Variants in GRK6 observed in about 807,000 individuals in gnomAD.
The protein encoded by GRK6 is G protein-coupled receptor kinase 6.
A neutral mutation model predicts 80.8 loss-of-function variants in GRK6; 37 were observed. The ratio of observed to expected loss-of-function variants is 0.46; its 90% confidence interval spans 0.35 to 0.60. The LOEUF (loss-of-function observed/expected upper bound fraction) is 0.60, where lower values mean the gene tolerates loss of function less well. GRK6 is among the 20% of genes least tolerant of loss of function. The pLI is 0.00. For missense variants in GRK6, 560 were observed against 784.6 expected (o/e 0.71, Z 3.42); for synonymous variants, 295 against 320.9 (o/e 0.92, Z 0.86).
intron 1 of GRK6, among the ~76,000 whole-genome samples, chr5:177,430,517 T>C (rs1321707309): frequency 6.6e-6 from 1 of 152,250 alleles, no homozygotes; most frequent in East Asian, 1.9e-4. Flanking sequence ...CTCCCGGGCC[T>C]TCTGCACTTC....
At chr5:177,441,603 G>A in intron 15 of GRK6, 134 bp from the exon 16 acceptor site, 1 of 793,388 alleles carries the variant, frequency 1.3e-6, no homozygotes, top group Non-Finnish European at 2.2e-6. Context: ...TTGTGGAGAG[G>A]CCCCTCCCCA....
chr5:177,431,090 A>T, intron 2 of GRK6, 123 bp downstream of exon 2: 1 of 737,556 alleles, frequency 1.4e-6, no homozygotes, highest in Non-Finnish European at 2.3e-6. Context: ...GAGCAGGAGG[A>T]TGAGGACTGC....
Position 177,434,120 on chromosome 5 carries a change from C to G in GRK6, c.929+16C>G. 6.5e-7 allele frequency: 1 copy of G among 1,539,100 alleles called. No homozygotes were observed. ...TCGTGTACAGGTGGGGAGGGCTCGGCCACCCCAGGGGCTTAGTCCTTCCCT... is the reference window on the plus strand; with the variant it reads ...TCGTGTACAGGTGGGGAGGGCTCGGGCACCCCAGGGGCTTAGTCCTTCCCT... On this transcript the variant is annotated intron_variant, in intron 9 of 15. Coordinates refer to ENST00000355472, the MANE Select transcript of GRK6 (RefSeq NM_001004106.3).
At chr5:177,439,134 G>GT (rs1264560537) in intron 13 of GRK6, among the ~76,000 whole-genome samples, 3 of 152,242 alleles carry the variant, frequency 2.0e-5, no homozygotes, top group Non-Finnish European at 4.4e-5. Context: ...GTGCCCTGGA[G>GT]TTTAACTTTG....
chr5:177,435,600 GAA>G (rs1764106250), intron 11 of GRK6, among the ~76,000 whole-genome samples: 1 of 152,190 alleles, frequency 6.6e-6, no homozygotes, highest in South Asian at 2.1e-4. Flanking sequence ...TGCTCCACTG[GAA>G]AACACTCATC....
chr5:177,433,708 T>TG (rs1447127869), intron 8 of GRK6, 32 bp downstream of exon 8: 3 of 1,610,254 alleles, frequency 1.9e-6, no homozygotes, highest in Non-Finnish European at 2.5e-6. Context: ...CCCTTCCCCT[T>TG]GGCCACACTG....
intron 13 of GRK6, among the ~76,000 whole-genome samples, chr5:177,437,279 C>T (rs1438166731): frequency 2.0e-5 from 3 of 152,118 alleles, no homozygotes; most frequent in Non-Finnish European, 4.4e-5. Context: ...CAAAAGAAAT[C>T]CTCATGGGGG....
intron 11 of GRK6, 94 bp from the exon 12 acceptor site, chr5:177,435,963 GGCCAGCGGGTGTGAGT>G: frequency 1.1e-6 from 1 of 914,450 alleles, no homozygotes; most frequent in South Asian, 1.6e-5. Context: ...GGTCCCCCCT[GGCCAGCGGGTGTGAGT>G]GTATCCCAGA....
intron 1 of GRK6, 27 bp from the exon 2 acceptor site, chr5:177,430,845 A>C (rs751295755): frequency 1.9e-6 from 3 of 1,606,788 alleles, no homozygotes; most frequent in Non-Finnish European, 2.6e-6. Flanking sequence ...GTGGGACTCG[A>C]GACCCAGTGT....
intron 9 of GRK6, among the ~76,000 whole-genome samples, chr5:177,434,591 A>T (rs889018737): frequency 6.6e-6 from 1 of 152,190 alleles, no homozygotes; most frequent in African/African-American, 2.4e-5. Flanking sequence ...CCCATTTGAT[A>T]GAGAGGAAAG....
In GRK6 at chr5:177,440,903, G is replaced by C. The variant is rs369169891; in HGVS notation, c.1543-16G>C. ...TGCCCTGGGGACAGCTGTCACAGCC[G>C]CCTGCTCCTCAGCAGATGGTGGAGA... On this transcript the variant is annotated splice_polypyrimidine_tract_variant and intron_variant, in intron 14 of 15. Transcript: ENST00000355472. 2.5e-6 allele frequency: 4 copies of C among 1,613,890 alleles called. No homozygotes were observed. The highest frequency in any genetic ancestry group is 3.4e-6 in the Non-Finnish European group (4 of 1,179,948).
At chr5:177,432,568 T>C in intron 4 of GRK6, 138 bp from the exon 5 acceptor site, 1 of 733,830 alleles carries the variant, frequency 1.4e-6, no homozygotes, top group Non-Finnish European at 2.3e-6. Flanking sequence ...AGGAAGGACT[T>C]CAGCAACCAG....
intron 12 of GRK6, 43 bp from the exon 13 acceptor site, chr5:177,436,350 A>T: frequency 1.9e-6 from 1 of 513,606 alleles, no homozygotes; most frequent in Non-Finnish European, 3.6e-6. Context: ...CCTCCCACCC[A>T]CTCACCTGCC....
At chr5:177,439,722 GTCTC>G (rs943997154) in intron 13 of GRK6, among the ~76,000 whole-genome samples, 3 of 151,810 alleles carry the variant, frequency 2.0e-5, no homozygotes, top group Non-Finnish European at 2.9e-5. Context: ...TCTACTCTGT[GTCTC>G]TCTCTGTTTG....
At chr5:177,441,602 G>T (rs1764501570) in intron 15 of GRK6, 135 bp from the exon 16 acceptor site, 3 of 789,664 alleles carry the variant, frequency 3.8e-6, no homozygotes, top group East Asian at 4.9e-5. Flanking sequence ...CTTGTGGAGA[G>T]GCCCCTCCCC....
intron 4 of GRK6, 138 bp downstream of exon 4, chr5:177,432,448 C>G (rs1192928070): frequency 1.1e-6 from 1 of 930,966 alleles, no homozygotes; most frequent in Non-Finnish European, 1.7e-6. Flanking sequence ...AGAGAGTGCC[C>G]TGGAGCTGCT....
At chr5:177,434,689 A>T (rs999529287) in intron 9 of GRK6, among the ~76,000 whole-genome samples, 2 of 152,150 alleles carry the variant, frequency 1.3e-5, no homozygotes, top group Admixed American at 1.3e-4. Flanking sequence ...TCATCTAGAG[A>T]GTCCTGGGAG....
chr5:177,427,392 G>T (rs970835536), intron 1 of GRK6, among the ~76,000 whole-genome samples: 2 of 152,246 alleles, frequency 1.3e-5, no homozygotes, highest in African/African-American at 4.8e-5. Flanking sequence ...TTATAGGACT[G>T]CCACTTGCTC....
At chr5:177,431,525 G>A (rs1324708284) in intron 2 of GRK6, among the ~76,000 whole-genome samples, 1 of 152,244 alleles carries the variant, frequency 6.6e-6, no homozygotes, top group Non-Finnish European at 1.5e-5. Flanking sequence ...TGGCCTGCAC[G>A]TGCGCAGAGC....
Sources: allele counts gnomAD v4.1 joint callset (sites outside exome capture counted in the v4.1 genomes callset), GRCh38; gene constraint gnomAD v4.1.1; transcripts MANE v1.5; gene names NCBI Gene and HGNC (gene_info 2026-07-23, HGNC 2026-07-21).